The following ROBO1 variants were observed in gnomAD, a reference collection of about 807,000 sequenced individuals.
The protein encoded by ROBO1 is roundabout homolog 1.
Under a neutral mutation model 195.9 loss-of-function variants are expected in ROBO1, and 149 were observed. The ratio of observed to expected loss-of-function variants is 0.76; its 90% CI spans 0.67 to 0.87. The LOEUF is 0.87. Among genes scored for constraint, ROBO1 ranks in the 40% least tolerant of loss-of-function variants. The pLI, the probability that ROBO1 is intolerant of heterozygous loss-of-function variation, is 0.00. For missense variants in ROBO1, 1,933 were observed against 2,068.3 expected, an observed-to-expected ratio of 0.93 and a Z score of 1.27; for synonymous variants, 816 against 733.2, an observed-to-expected ratio of 1.11 and a Z score of -1.82.
intron 2 of ROBO1, among the ~76,000 whole-genome samples, chr3:79,139,493 G>A (rs981029492): frequency 1.3e-5 from 2 of 152,042 alleles, no homozygotes; most frequent in Non-Finnish European, 2.9e-5. Context: ...ATGTCTAAAC[G>A]TTTGGTTTAA....
chr3:79,238,186 G>C (rs985089780), intron 2 of ROBO1, among the ~76,000 whole-genome samples: 6 of 152,114 alleles, frequency 3.9e-5, no homozygotes, highest in Admixed American at 3.3e-4. Flanking sequence ...TTCCTTTTGA[G>C]TATTATCTAA....
chr3:79,352,440 A>G (rs79513562), intron 2 of ROBO1, among the ~76,000 whole-genome samples: 1,819 of 152,338 alleles, frequency 0.012, 16 homozygotes, highest in Admixed American at 0.023. Flanking sequence ...CAAAACCAGT[A>G]AAATGATATT....
chr3:79,366,753 C>T (rs991341616), intron 2 of ROBO1, among the ~76,000 whole-genome samples: 2 of 152,110 alleles, frequency 1.3e-5, no homozygotes, highest in African/African-American at 4.8e-5. Context: ...GTTTTCAATC[C>T]TCTCGACGTT....
intron 3 of ROBO1, among the ~76,000 whole-genome samples, chr3:79,088,440 C>A (rs1184985092): frequency 6.6e-6 from 1 of 151,924 alleles, no homozygotes; most frequent in Admixed American, 6.6e-5. Flanking sequence ...GTCACATTTT[C>A]CAAAATATAC....
At chr3:78,954,680 T>C (rs776769675) in intron 3 of ROBO1, among the ~76,000 whole-genome samples, 3 of 152,146 alleles carry the variant, frequency 2.0e-5, no homozygotes, top group African/African-American at 4.8e-5. Context: ...GTTTTCTTTA[T>C]ATTAGAACAA....
intron 3 of ROBO1, among the ~76,000 whole-genome samples, chr3:79,052,474 G>T (rs867642903): frequency 6.6e-6 from 1 of 152,074 alleles, no homozygotes; most frequent in Non-Finnish European, 1.5e-5. Context: ...CTCTCTGCCC[G>T]TGTGATATTT....
chr3:79,033,752 A>G (rs2078335111), intron 3 of ROBO1, among the ~76,000 whole-genome samples: 1 of 152,144 alleles, frequency 6.6e-6, no homozygotes, highest in African/African-American at 2.4e-5. Context: ...GGTATTCTGA[A>G]TTTGTGATTT....
At chr3:79,370,411 T>TAC (rs1559851604) in intron 2 of ROBO1, among the ~76,000 whole-genome samples, 1 of 151,992 alleles carries the variant, frequency 6.6e-6, no homozygotes, top group African/African-American at 2.4e-5. Flanking sequence ...TTATTCTCCA[T>TAC]ATATATTCTC....
intron 4 of ROBO1, among the ~76,000 whole-genome samples, chr3:78,811,256 A>G (rs1248341339): frequency 1.3e-5 from 2 of 152,210 alleles, no homozygotes; most frequent in Non-Finnish European, 2.9e-5. Flanking sequence ...CAAATGTAAA[A>G]AAGTATCATT....
intron 2 of ROBO1, among the ~76,000 whole-genome samples, chr3:79,407,812 T>C (rs913285882): frequency 3.9e-5 from 6 of 152,106 alleles, no homozygotes; most frequent in African/African-American, 1.2e-4. Flanking sequence ...ATGATAAAAA[T>C]AAGCACATTT....
At chr3:79,233,216 C>T (rs1013900834) in intron 2 of ROBO1, among the ~76,000 whole-genome samples, 2 of 151,720 alleles carry the variant, frequency 1.3e-5, no homozygotes, top group South Asian at 4.2e-4. Flanking sequence ...TTAAAATGTG[C>T]AAGAAAAAGC....
chr3:78,956,007 C>T (rs2041031002), intron 3 of ROBO1, among the ~76,000 whole-genome samples: 1 of 152,154 alleles, frequency 6.6e-6, no homozygotes, highest in East Asian at 1.9e-4. Flanking sequence ...CTTGCAGATC[C>T]TAAGGGCACC....
intron 1 of ROBO1, among the ~76,000 whole-genome samples, chr3:79,767,527 T>C (rs1316766852): frequency 6.6e-6 from 1 of 152,212 alleles, no homozygotes; most frequent in African/African-American, 2.4e-5. Flanking sequence ...GGAAAACTTG[T>C]TGAATCCCTC....
intron 2 of ROBO1, among the ~76,000 whole-genome samples, chr3:79,314,340 G>A (rs577994451): frequency 8.5e-5 from 13 of 152,278 alleles, no homozygotes; most frequent in South Asian, 4.1e-4. Context: ...GGAGAGACCC[G>A]GTGGGAGGTC....
chr3:78,972,986 C>T (rs1284877154), intron 3 of ROBO1, among the ~76,000 whole-genome samples: 1 of 152,144 alleles, frequency 6.6e-6, no homozygotes. Context: ...AATAAAACAA[C>T]CACACAAAAA....
intron 5 of ROBO1, among the ~76,000 whole-genome samples, chr3:78,739,125 G>A (rs950825467): frequency 2.6e-5 from 4 of 152,146 alleles, no homozygotes; most frequent in African/African-American, 9.6e-5. Context: ...AGCATGAAAA[G>A]ATGAGTGTCT....
chr3:79,379,675 G>A (rs1307817029), intron 2 of ROBO1, among the ~76,000 whole-genome samples: 1 of 152,138 alleles, frequency 6.6e-6, no homozygotes, highest in Non-Finnish European at 1.5e-5. Context: ...AATATTGTAA[G>A]ATAAGGCTAT....
intron 2 of ROBO1, among the ~76,000 whole-genome samples, chr3:79,550,195 G>GGAAA (rs1553762946): frequency 9.9e-6 from 1 of 100,812 alleles, no homozygotes; most frequent in African/African-American, 4.7e-5. Flanking sequence ...AAGAAAGAAA[G>GGAAA]GAAAAGAAAA....
At chr3:78,961,744 A>T (rs941873979) in intron 3 of ROBO1, among the ~76,000 whole-genome samples, 14 of 152,184 alleles carry the variant, frequency 9.2e-5, no homozygotes, top group Non-Finnish European at 1.5e-4. Context: ...AAATAGTGCA[A>T]TGGTGTAAGA....
Sources: allele counts gnomAD v4.1 joint callset (sites outside exome capture counted in the v4.1 genomes callset), GRCh38; gene constraint gnomAD v4.1.1; transcripts MANE v1.5; gene names NCBI Gene and HGNC (gene_info 2026-07-23, HGNC 2026-07-21).